The following RETREG1 variants were observed in gnomAD, a reference collection of about 807,000 sequenced individuals.
RETREG1 encodes family with sequence similarity 134 member B.
A neutral mutation model predicts 54.8 loss-of-function variants in RETREG1; 44 were observed. The observed-to-expected ratio is 0.80, with a 90% CI of 0.63 to 1.03. The LOEUF is 1.03. Ranked by LOEUF, RETREG1 falls within the 50% of genes least tolerant of loss-of-function variation. The pLI, the probability that RETREG1 is intolerant of heterozygous loss-of-function variation, is 0.00. For synonymous variants in RETREG1, 217 were observed against 238.5 expected (o/e 0.91, Z 0.83); for missense variants, 554 against 605.1 (o/e 0.92, Z 0.89).
At chr5:16,499,349 ACT>A (rs1739605290) in intron 3 of RETREG1, among the ~76,000 whole-genome samples, 1 of 152,114 alleles carries the variant, frequency 6.6e-6, no homozygotes, top group Non-Finnish European at 1.5e-5. Context: ...GTTATAAGCT[ACT>A]CCAGAAACAT....
Position 16,478,067 on chromosome 5 carries a change from G to C in RETREG1, c.840C>G (p.Asp280Glu). Residue 280 changes from aspartate (D) to glutamate (E), a missense_variant, in exon 7 of 9, where the codon GAC becomes GAG. Transcript: ENST00000306320. ...EADKEKSHKD[D>E]SELDFSALCP... ...AAAGAGCTGAAAAGTCTAATTCACT[G>C]TCATCTTTGTGACTTTTTTCTTTGT... 1.2e-6 allele frequency: 2 copies of C among 1,610,730 alleles called. No individual in the cohort carries two copies. Among genetic ancestry groups the C allele is most frequent in the Non-Finnish European group, 1.7e-6 (2 of 1,178,092 alleles).
intron 4 of RETREG1, chr5:16,482,940 C>T (rs1738860341): frequency 6.2e-6 from 1 of 162,550 alleles, no homozygotes; most frequent in Admixed American, 6.0e-5. Context: ...CACTTTTTAG[C>T]TTGAAAATAA....
At position 16,583,480 on chromosome 5, in the gene RETREG1, G is replaced by A. The variant is rs140197885; in HGVS notation, c.321-11378C>T. ...TGCACTCCAGCCTGGACGATGGAGCGAGACTCTGTCTCAATATATATATTT... is the reference window on the plus strand; with the variant it reads ...TGCACTCCAGCCTGGACGATGGAGCAAGACTCTGTCTCAATATATATATTT... On this transcript the variant is annotated intron_variant, in intron 1 of 8. Transcript: ENST00000306320. Among the ~76,000 whole-genome samples, 1,317 of 152,044 alleles carry A rather than the reference G, an allele frequency of 8.7e-3. 17 individuals are homozygous for A. The highest frequency in any genetic ancestry group is 0.027 in the Middle Eastern group (8 of 294).
rs1561134096 is a variant in RETREG1 at position 16,596,369 on chromosome 5, T to C, written c.320+20283A>G. ...TGAAATCTGCCACTCCAGAGGCACA[T>C]TTCTTTCCCTGCTACGCAGACTGGC... On this transcript the variant is annotated intron_variant, in intron 1 of 8. Transcript: ENST00000306320. Among the ~76,000 whole-genome samples, 3 of 152,216 alleles carry C rather than the reference T, an allele frequency of 2.0e-5. No homozygotes were observed. In the South Asian group the frequency reaches 6.2e-4, roughly 32 times the overall value.
At chr5:16,613,724 G>T (rs899108142) in intron 1 of RETREG1, among the ~76,000 whole-genome samples, 2 of 152,148 alleles carry the variant, frequency 1.3e-5, no homozygotes, top group African/African-American at 4.8e-5. Context: ...AGACAGATTT[G>T]GTTGGGTTCC....
chr5:16,477,636 A>T (rs1561077366), intron 8 of RETREG1, 26 bp downstream of exon 8: 3 of 1,609,736 alleles, frequency 1.9e-6, no homozygotes, highest in Non-Finnish European at 1.7e-6. Context: ...TCATAAAAAT[A>T]AATGTCTCCA....
intron 1 of RETREG1, among the ~76,000 whole-genome samples, chr5:16,576,884 G>A (rs1240934185): frequency 2.0e-5 from 3 of 152,118 alleles, no homozygotes; most frequent in Admixed American, 6.6e-5. Flanking sequence ...CAAAGTCCTG[G>A]GATTATAGGC....
intron 1 of RETREG1, among the ~76,000 whole-genome samples, chr5:16,614,158 G>A (rs1039513137): frequency 6.6e-6 from 1 of 152,166 alleles, no homozygotes; most frequent in Admixed American, 6.5e-5. Flanking sequence ...ATGGATGGAA[G>A]AAAACACCCC....
chr5:16,500,862 A>C (rs968313398), intron 3 of RETREG1, among the ~76,000 whole-genome samples: 4 of 152,064 alleles, frequency 2.6e-5, no homozygotes, highest in African/African-American at 9.7e-5. Context: ...CCAGGAATGC[A>C]CTCCGGAGCT....
chr5:16,613,487 T>C (rs796620480), intron 1 of RETREG1, among the ~76,000 whole-genome samples: 3 of 152,244 alleles, frequency 2.0e-5, no homozygotes, highest in South Asian at 2.1e-4. Context: ...ACTTAATTCA[T>C]GCAACTTTTA....
At chr5:16,523,994 C>T (rs1740620426) in intron 3 of RETREG1, among the ~76,000 whole-genome samples, 1 of 152,192 alleles carries the variant, frequency 6.6e-6, no homozygotes, top group African/African-American at 2.4e-5. Context: ...CCCCTCTCTG[C>T]CCTCTCAGCA....
At chr5:16,612,865 T>G (rs560151221) in intron 1 of RETREG1, among the ~76,000 whole-genome samples, 1 of 152,346 alleles carries the variant, frequency 6.6e-6, no homozygotes, top group Admixed American at 6.5e-5. Flanking sequence ...TTTTATCCCC[T>G]ATGTGTGTAT....
chr5:16,586,480 C>T (rs189850833), intron 1 of RETREG1, among the ~76,000 whole-genome samples: 28 of 152,196 alleles, frequency 1.8e-4, no homozygotes, highest in Admixed American at 3.9e-4. Context: ...TTTTTTACTT[C>T]GACTGGTCAC....
rs137907198 is a variant in RETREG1, at chr5:16,480,701, C to T, written c.670+308G>A. 4.0e-3 allele frequency among the ~76,000 whole-genome samples: 606 copies of T among 152,130 alleles called. 3 individuals are homozygous for T. The highest frequency in any genetic ancestry group is 5.5e-3 in the Non-Finnish European group (377 of 67,962). On this transcript the variant is annotated intron_variant, in intron 5 of 8. Coordinates refer to ENST00000306320, the MANE Select transcript of RETREG1 (RefSeq NM_001034850.3). Reference sequence around the variant, plus strand: ...AATTATTTTTTTGAGCCAAAGAACACGCACGAAGGCAAAGGTGTTGGTGTG... The same window carrying T: ...AATTATTTTTTTGAGCCAAAGAACATGCACGAAGGCAAAGGTGTTGGTGTG...
chr5:16,614,828 A>G (rs1055953598), intron 1 of RETREG1, among the ~76,000 whole-genome samples: 1 of 152,246 alleles, frequency 6.6e-6, no homozygotes, highest in Admixed American at 6.5e-5. Context: ...GCAGCTGAAA[A>G]AGAACAAGGA....
intron 3 of RETREG1, among the ~76,000 whole-genome samples, chr5:16,506,939 GTAA>G (rs1438005335): frequency 3.3e-5 from 5 of 151,970 alleles, no homozygotes; most frequent in Admixed American, 6.6e-5. Context: ...CTAATCCTTG[GTAA>G]TAATAATCAT....
chr5:16,490,963 T>A (rs1274213148), intron 3 of RETREG1, among the ~76,000 whole-genome samples: 1 of 152,226 alleles, frequency 6.6e-6, no homozygotes, highest in Non-Finnish European at 1.5e-5. Context: ...TTATTTTCTC[T>A]CTGAACCCCT....
At position 16,616,788 on chromosome 5, in the gene RETREG1, C is replaced by T. The variant is rs1177913766; in HGVS notation, c.184G>A (p.Gly62Ser). The T allele has an allele frequency of 1.3e-6, 2 of 1,529,804 alleles. No individual in the cohort carries two copies. Among genetic ancestry groups the T allele is most frequent in the Admixed American group, 2.0e-5 (1 of 50,730 alleles). The allele number at this position is 1,529,804 out of a possible 1,614,324, so 94.8% of individuals were successfully genotyped here. A position where few individuals can be genotyped will look rare whatever the true frequency, so the allele number is the denominator to read the frequency against. The change falls in exon 1 of 9, where the codon GGC (glycine) becomes AGC (serine). Residue 62 changes from glycine (G) to serine (S), a missense_variant. This residue lies in a region of RETREG1 where 175 missense variants were observed against 142.1 expected (regional missense o/e 1.23). Transcript: ENST00000306320. ...GAGLQVEEAA[G>S]RAAAAVTWLL... ...CAGGTTACCGCGGCCGCCGCCCGGC[C>T]CGCGGCCTCCTCCACCTGCAACCCC...
chr5:16,611,022 A>G (rs1743327054), intron 1 of RETREG1, among the ~76,000 whole-genome samples: 1 of 152,228 alleles, frequency 6.6e-6, no homozygotes, highest in South Asian at 2.1e-4. Context: ...CCCATCAATG[A>G]TAGACTGGAT....
Sources: allele counts gnomAD v4.1 joint callset (sites outside exome capture counted in the v4.1 genomes callset), GRCh38; gene constraint gnomAD v4.1.1; regional missense constraint gnomAD v4.1.1; transcripts MANE v1.5; gene names NCBI Gene and HGNC (gene_info 2026-07-23, HGNC 2026-07-21).